The following RYR2 variants were observed in gnomAD, a reference collection of about 807,000 sequenced individuals.
RYR2 encodes the protein ryanodine receptor 2.
Under a neutral mutation model 601.1 loss-of-function variants are expected in RYR2, and 227 were observed. The ratio of observed to expected loss-of-function variants is 0.38; its 90% CI spans 0.34 to 0.42. The LOEUF is 0.42. Ranked by LOEUF, RYR2 falls within the 10% of genes least tolerant of loss-of-function variation. RYR2 has a pLI of 1.00. For missense variants in RYR2, 4,646 were observed against 6,156.5 expected (o/e 0.75, Z 8.21); for synonymous variants, 2,223 against 2,175.1 (o/e 1.02, Z -0.61).
chr1:237,749,957 G>A (rs547860326), intron 80 of RYR2, among the ~76,000 whole-genome samples: 1 of 152,054 alleles, frequency 6.6e-6, no homozygotes, highest in East Asian at 1.9e-4. Flanking sequence ...ACCAGCCCAG[G>A]CAACATGGTG....
At chr1:237,576,698 A>T (rs1295106948) in intron 29 of RYR2, among the ~76,000 whole-genome samples, 3 of 152,160 alleles carry the variant, frequency 2.0e-5, no homozygotes. Context: ...AAGGAAGCAG[A>T]AAAACAGTCA....
chr1:237,508,427 G>C (rs1665486507), intron 23 of RYR2, among the ~76,000 whole-genome samples: 1 of 150,220 alleles, frequency 6.7e-6, no homozygotes, highest in South Asian at 2.1e-4. Context: ...GAGATGATTA[G>C]AGGCCAGGAA....
chr1:237,392,172 G>A (rs1007546064), intron 10 of RYR2, among the ~76,000 whole-genome samples: 2 of 152,122 alleles, frequency 1.3e-5, no homozygotes, highest in Non-Finnish European at 2.9e-5. Flanking sequence ...ATGAGTTAAA[G>A]AGAAGCAAGT....
intron 8 of RYR2, among the ~76,000 whole-genome samples, chr1:237,384,818 A>T (rs1701834538): frequency 6.6e-6 from 1 of 152,204 alleles, no homozygotes; most frequent in Admixed American, 6.5e-5. Flanking sequence ...CAATTCCTGT[A>T]GCACGTTGAT....
Position 237,534,154 on chromosome 1 carries a change from C to T in RYR2, c.2906+3644C>T, listed in dbSNP as rs114796604. The stretch of plus-strand genomic sequence containing the variant: ...GAATGACACACTAGGCAATACTGCT[C>T]AAAATGAAACTGATGTACTCTCCTT... On this transcript the variant is annotated intron_variant, in intron 25 of 104. Coordinates refer to ENST00000366574, the MANE Select transcript of RYR2 (RefSeq NM_001035.3). Among the ~76,000 whole-genome samples the T allele has an allele frequency of 9.3e-3, 1,419 of 151,976 alleles. 25 individuals are homozygous for T. The highest frequency in any genetic ancestry group is 0.032 in the African/African-American group (1,338 of 41,484).
chr1:237,110,652 G>A (rs1669368546), intron 1 of RYR2, among the ~76,000 whole-genome samples: 1 of 152,112 alleles, frequency 6.6e-6, no homozygotes, highest in Non-Finnish European at 1.5e-5. Flanking sequence ...GGCAAAGCTG[G>A]CAAATTTGTC....
At chr1:237,454,336 A>C in intron 14 of RYR2, 55 bp from the exon 15 acceptor site, 1 of 1,524,278 alleles carries the variant, frequency 6.6e-7, no homozygotes, top group Non-Finnish European at 8.8e-7. Flanking sequence ...ATAAATGGAA[A>C]AATGATAAAA....
chr1:237,299,975 G>C (rs1317514827), intron 2 of RYR2, among the ~76,000 whole-genome samples: 1 of 152,176 alleles, frequency 6.6e-6, no homozygotes, highest in Non-Finnish European at 1.5e-5. Flanking sequence ...GAATGTGGTT[G>C]AGTCATTCAT....
intron 24 of RYR2, among the ~76,000 whole-genome samples, chr1:237,520,503 CTTA>C: frequency 6.6e-6 from 1 of 152,158 alleles, no homozygotes; most frequent in African/African-American, 2.4e-5. Context: ...ATGGAGAGTT[CTTA>C]TTATGAAGCG....
chr1:237,379,840 T>A (rs1489643432), intron 8 of RYR2, among the ~76,000 whole-genome samples: 1 of 152,172 alleles, frequency 6.6e-6, no homozygotes, highest in Non-Finnish European at 1.5e-5. Context: ...TATATGGAGC[T>A]ATAAGAGAGC....
At chr1:237,635,153 C>T (rs1479121637) in intron 44 of RYR2, among the ~76,000 whole-genome samples, 161 bp downstream of exon 44, 1 of 152,144 alleles carries the variant, frequency 6.6e-6, no homozygotes, top group Non-Finnish European at 1.5e-5. Context: ...ACAATATGTT[C>T]TAGTGCTATT....
chr1:237,148,523 A>ATATATATATATATATATAT (rs1316106371), intron 1 of RYR2, among the ~76,000 whole-genome samples: 1 of 48,286 alleles, frequency 2.1e-5, no homozygotes, highest in Non-Finnish European at 4.5e-5. Flanking sequence ...AGTAAAAAAA[A>ATATATATATATATATATAT]AAAAATATAT....
chr1:237,293,923 G>A (rs937590403), intron 2 of RYR2, among the ~76,000 whole-genome samples: 2 of 152,136 alleles, frequency 1.3e-5, no homozygotes, highest in African/African-American at 4.8e-5. Flanking sequence ...CTCCATGGAG[G>A]TCAAGGGTGG....
chr1:237,515,624 TCCCCTCCCTCCATCACCCACCC>T (rs1666343166), intron 24 of RYR2, among the ~76,000 whole-genome samples: 1 of 40,462 alleles, frequency 2.5e-5, no homozygotes, highest in Non-Finnish European at 4.9e-5. Flanking sequence ...TCCCCCTCCC[TCCCCTCCCTCCATCACCCACCC>T]CTTCCCTCCC....
intron 16 of RYR2, 35 bp from the exon 17 acceptor site, chr1:237,469,056 AT>A (rs776566174): frequency 1.9e-6 from 3 of 1,569,794 alleles, no homozygotes; most frequent in Non-Finnish European, 2.6e-6. Flanking sequence ...GAGCTAGAAA[AT>A]CACATAAAGG....
chr1:237,487,832 C>T (rs1433038369), intron 17 of RYR2, among the ~76,000 whole-genome samples: 2 of 151,414 alleles, frequency 1.3e-5, no homozygotes, highest in African/African-American at 2.4e-5. Context: ...GAAAATAAAA[C>T]GTGTTTTCTC....
At chr1:237,528,173 C>G (rs1667776658) in intron 24 of RYR2, among the ~76,000 whole-genome samples, 1 of 152,118 alleles carries the variant, frequency 6.6e-6, no homozygotes. Flanking sequence ...GGTGAATATT[C>G]TCAACTTAAT....
Position 237,180,711 on chromosome 1 carries a change from C to T in RYR2, c.49-89786C>T, listed in dbSNP as rs144069085. On this transcript the variant is annotated intron_variant, in intron 1 of 104. Coordinates refer to ENST00000366574, the MANE Select transcript of RYR2 (RefSeq NM_001035.3). This position sits in a 1 kb window ranked among gnomAD's most constrained non-coding sequence, Gnocchi z 5.3. The stretch of plus-strand genomic sequence containing the variant: ...ATATGTATATATAAGTATATATACA[C>T]ATATATACATATACATAGATATATG... Among the ~76,000 whole-genome samples the T allele has an allele frequency of 8.5e-3, 1,230 of 145,172 alleles. 21 individuals are homozygous for T. The highest frequency in any genetic ancestry group is 0.029 in the African/African-American group (1,141 of 39,902).
intron 24 of RYR2, among the ~76,000 whole-genome samples, chr1:237,527,288 G>A (rs1667691076): frequency 6.6e-6 from 1 of 152,002 alleles, no homozygotes; most frequent in Non-Finnish European, 1.5e-5. Flanking sequence ...ACTCTTTTTT[G>A]ATTCCATGTG....
Sources: allele counts gnomAD v4.1 joint callset (sites outside exome capture counted in the v4.1 genomes callset), GRCh38; gene constraint gnomAD v4.1.1; non-coding constraint Gnocchi (gnomAD v3.1); transcripts MANE v1.5; gene names NCBI Gene and HGNC (gene_info 2026-07-23, HGNC 2026-07-21).